IQSEC2: variants seen among roughly 807,000 people sequenced by gnomAD.
The protein encoded by IQSEC2 is IQ motif and Sec7 domain ArfGEF 2.
In IQSEC2, 6 loss-of-function variants were observed where a neutral mutation model predicts 74.6. The observed-to-expected ratio is 0.08, with a 90% CI of 0.04 to 0.16. The LOEUF (loss-of-function observed/expected upper bound fraction) is 0.16, where lower values mean the gene tolerates loss of function less well. Among genes scored for constraint, IQSEC2 ranks in the 10% least tolerant of loss-of-function variants. IQSEC2 has a pLI of 1.00. For synonymous variants in IQSEC2, 494 were observed against 544.5 expected, an observed-to-expected ratio of 0.91 and a Z score of 1.29; for missense variants, 734 against 1,306.2, an observed-to-expected ratio of 0.56 and a Z score of 6.75.
Position 53,250,099 on chromosome X carries a change from G to A in IQSEC2, c.2297+180C>T, listed in dbSNP as rs916651090. Reference sequence around the variant, plus strand: ...GGGACCCGAGCCCAGGTGTGTTAAGGGACTCTCTACTCTGCCACCCTGTTG... The same window carrying A: ...GGGACCCGAGCCCAGGTGTGTTAAGAGACTCTCTACTCTGCCACCCTGTTG... On this transcript the variant is annotated intron_variant, in intron 5 of 14. Coordinates refer to ENST00000642864, the MANE Select transcript of IQSEC2 (RefSeq NM_001111125.3). 1.4e-4 allele frequency among the ~76,000 whole-genome samples: 16 copies of A among 111,572 alleles called. 1 individual carries two copies. Among genetic ancestry groups the A allele is most frequent in the Admixed American group, 4.8e-4 (5 of 10,515 alleles).
intron 2 of IQSEC2, among the ~76,000 whole-genome samples, chrX:53,272,265 G>A (rs1461767094): frequency 9.0e-6 from 1 of 110,866 alleles, no homozygotes; most frequent in Non-Finnish European, 1.9e-5. Context: ...AACTCATGGA[G>A]GGCAAGAACT....
chrX:53,274,904 C>T (rs2074803735), intron 2 of IQSEC2, among the ~76,000 whole-genome samples: 1 of 111,303 alleles, frequency 9.0e-6, no homozygotes, highest in African/African-American at 3.3e-5. Context: ...TTACTAGTTT[C>T]CAGAAGGTGA....
chrX:53,239,520 C>T, intron 10 of IQSEC2: 2 of 372,712 alleles, frequency 5.4e-6, no homozygotes, highest in South Asian at 3.6e-5. Context: ...CAGACATTTA[C>T]CACATTTCCA....
chrX:53,286,430 A>T (rs371619460), intron 2 of IQSEC2, among the ~76,000 whole-genome samples: 4 of 112,253 alleles, frequency 3.6e-5, no homozygotes, highest in East Asian at 5.6e-4. Flanking sequence ...AGAAGTACCA[A>T]GTGTTTTCTC....
chrX:53,270,768 T>C (rs2074730513), intron 2 of IQSEC2, among the ~76,000 whole-genome samples: 1 of 111,647 alleles, frequency 9.0e-6, no homozygotes, highest in Non-Finnish European at 1.9e-5. Flanking sequence ...GTGCCAGGCA[T>C]GAACACTTGA....
intron 2 of IQSEC2, among the ~76,000 whole-genome samples, chrX:53,260,147 G>A (rs995068015): frequency 8.9e-6 from 1 of 111,949 alleles, no homozygotes; most frequent in Non-Finnish European, 1.9e-5. Flanking sequence ...AGCAGATTGC[G>A]AAAAGGTGCT....
intron 4 of IQSEC2, among the ~76,000 whole-genome samples, chrX:53,251,941 TC>T (rs2074397067): frequency 8.9e-6 from 1 of 112,284 alleles, no homozygotes; most frequent in African/African-American, 3.2e-5. Context: ...ACACCTGTAG[TC>T]CCAGCTACTC....
At chrX:53,319,732 A>G (rs2075410295) in intron 1 of IQSEC2, among the ~76,000 whole-genome samples, 1 of 111,715 alleles carries the variant, frequency 9.0e-6, no homozygotes, top group African/African-American at 3.3e-5. Context: ...GGGGCAATCT[A>G]GACTTCCCTT....
intron 2 of IQSEC2, among the ~76,000 whole-genome samples, chrX:53,262,357 T>A (rs1313926512): frequency 8.9e-6 from 1 of 111,810 alleles, no homozygotes; most frequent in African/African-American, 3.3e-5. Context: ...GGGGATGGGA[T>A]CAGGATGCAG....
chrX:53,256,690 C>G (rs1045653632), intron 2 of IQSEC2, among the ~76,000 whole-genome samples: 4 of 112,692 alleles, frequency 3.5e-5, no homozygotes. Context: ...AAGCCAGTTC[C>G]CAGGGTTCCC....
At chrX:53,318,454 G>A (rs1390991466) in intron 1 of IQSEC2, among the ~76,000 whole-genome samples, 1 of 112,313 alleles carries the variant, frequency 8.9e-6, no homozygotes, top group Admixed American at 9.4e-5. Context: ...CAACCAGTCA[G>A]CCAAGAGATT....
chrX:53,295,603 C>CAAAAAA (rs782410222), intron 1 of IQSEC2, among the ~76,000 whole-genome samples: 29 of 40,548 alleles, frequency 7.2e-4, no homozygotes, highest in African/African-American at 9.7e-4. Context: ...GACTCCGTCT[C>CAAAAAA]AAAAAAAAAA....
chrX:53,272,377 C>T (rs2074757479), intron 2 of IQSEC2, among the ~76,000 whole-genome samples: 1 of 111,804 alleles, frequency 8.9e-6, no homozygotes, highest in South Asian at 3.8e-4. Flanking sequence ...TATGTGCCAG[C>T]CACTCAGATT....
downstream of IQSEC2, chrX:53,227,641 C>CA: frequency 3.2e-6 from 1 of 308,558 alleles, no homozygotes; most frequent in South Asian, 1.5e-4. Context: ...GTGGAAGAAA[C>CA]AGATGAAAAG....
At chrX:53,287,106 G>C (rs150031640) in intron 2 of IQSEC2, among the ~76,000 whole-genome samples, 2,234 of 110,679 alleles carry the variant, frequency 0.02, 63 homozygotes, top group African/African-American at 0.071. Flanking sequence ...CTTCCAGTTG[G>C]TGTGAGGCCT....
chrX:53,303,846 G>A (rs781944463), intron 1 of IQSEC2, among the ~76,000 whole-genome samples: 47 of 109,347 alleles, frequency 4.3e-4, no homozygotes, highest in Non-Finnish European at 7.6e-4. Context: ...AGATGATTCA[G>A]GTAGCCAGGC....
At chrX:53,305,017 C>G (rs1194460719) in intron 1 of IQSEC2, among the ~76,000 whole-genome samples, 2 of 110,039 alleles carry the variant, frequency 1.8e-5, no homozygotes, top group Admixed American at 2.0e-4. Context: ...CTCCCAGGTT[C>G]AAGTGATTCT....
At chrX:53,315,602 G>A (rs2146528166) in intron 1 of IQSEC2, among the ~76,000 whole-genome samples, 1 of 111,280 alleles carries the variant, frequency 9.0e-6, no homozygotes, top group South Asian at 3.8e-4. Flanking sequence ...CTGTAAAATG[G>A]AGTTAATAAC....
In IQSEC2 at chrX:53,251,127, C is replaced by T. The variant is rs200629644; in HGVS notation, c.1449G>A (p.Pro483=). ...CTGGCTCCTCAGACATGGGCCCTGA[C>T]GGGTGGCAGTTCAGGGCTTCGTCGA... ...ESIDEALNCH[P]SGPMSEEPGS... is the part of the protein sequence containing the mutation. Residue 483 remains proline (P), a synonymous_variant, in exon 5 of 15, where the codon CCG becomes CCA. Transcript: ENST00000642864. 4.5e-5 allele frequency: 55 copies of T among 1,209,839 alleles called. No homozygotes were observed. Among genetic ancestry groups the T allele is most frequent in the Middle Eastern group, 2.3e-4 (1 of 4,354 alleles).
Sources: allele counts gnomAD v4.1 joint callset (sites outside exome capture counted in the v4.1 genomes callset), GRCh38; gene constraint gnomAD v4.1.1; transcripts MANE v1.5; gene names NCBI Gene and HGNC (gene_info 2026-07-23, HGNC 2026-07-21).